Variants in ADAMTSL1 observed in about 807,000 individuals in gnomAD.
The protein encoded by ADAMTSL1 is ADAMTS like 1.
Under a neutral mutation model 201.8 loss-of-function variants are expected in ADAMTSL1, and 126 were observed. That is an observed-to-expected ratio of 0.62 (90% confidence interval 0.54 to 0.72). ADAMTSL1 has a LOEUF of 0.72. Ranked by LOEUF, ADAMTSL1 falls within the 30% of genes least tolerant of loss-of-function variation. The pLI, the probability that ADAMTSL1 is intolerant of heterozygous loss-of-function variation, is 0.00. For synonymous variants in ADAMTSL1, 1,121 were observed against 903.4 expected (o/e 1.24, Z -4.32); for missense variants, 2,679 against 2,277.8 (o/e 1.18, Z -3.59).
chr9:18,691,389 AT>A (rs574154015), intron 13 of ADAMTSL1, among the ~76,000 whole-genome samples: 1 of 152,192 alleles, frequency 6.6e-6, no homozygotes, highest in Non-Finnish European at 1.5e-5. Flanking sequence ...TCTGGCTTTG[AT>A]TCCAGAACTA....
At chr9:18,187,571 T>C (rs781658762) in intron 2 of ADAMTSL1, among the ~76,000 whole-genome samples, 16 of 152,078 alleles carry the variant, frequency 1.1e-4, no homozygotes, top group Non-Finnish European at 1.9e-4. Flanking sequence ...ATTTATATGA[T>C]CATAGAGAAA....
chr9:18,035,843 T>A lies in ADAMTSL1; in HGVS notation c.88-128019T>A, dbSNP rs527330896. Among the ~76,000 whole-genome samples, 3 of 152,278 alleles carry A rather than the reference T, an allele frequency of 2.0e-5. No individual in the cohort carries two copies. In the South Asian group the frequency reaches 6.2e-4, roughly 32 times the overall value. On this transcript the variant is annotated intron_variant, in intron 1 of 29. Transcript: ENST00000680146. Reference sequence around the variant, plus strand: ...TTAGTAAGTGCTTAGTAATTATATGTTGAATTAAGTAACAAAATAACTTAC... The same window carrying A: ...TTAGTAAGTGCTTAGTAATTATATGATGAATTAAGTAACAAAATAACTTAC...
intron 2 of ADAMTSL1, among the ~76,000 whole-genome samples, chr9:18,325,744 GT>G (rs768880998): frequency 8.9e-4 from 114 of 128,536 alleles, no homozygotes; most frequent in Middle Eastern, 7.9e-3. Context: ...AAGGACCTTT[GT>G]TTTTTTTTTT....
intron 2 of ADAMTSL1, among the ~76,000 whole-genome samples, chr9:18,305,326 C>G (rs542140979): frequency 1.3e-5 from 2 of 152,240 alleles, no homozygotes; most frequent in East Asian, 3.9e-4. Context: ...TTTTCATTCC[C>G]CAGTGGCACC....
In ADAMTSL1 at chr9:17,946,076, G is replaced by C. The variant is rs62550008; in HGVS notation, c.87+39154G>C. On this transcript the variant is annotated intron_variant, in intron 1 of 29. Transcript: ENST00000680146. ...GATGTGTATGTGTGTGTGTGTGTGT[G>C]TGTGTGTGTGTGTGTGTGTGTGTGT... Among the ~76,000 whole-genome samples the C allele has an allele frequency of 1.4e-4, 4 of 29,144 alleles. No homozygotes were observed. In the East Asian group the frequency reaches 2.3e-3, roughly 17 times the overall value. The allele number at this position is 29,144 out of a possible 152,430, so 19.1% of individuals were successfully genotyped here.
At chr9:18,757,119 T>C (rs1222855065) in intron 16 of ADAMTSL1, among the ~76,000 whole-genome samples, 2 of 152,238 alleles carry the variant, frequency 1.3e-5, no homozygotes, top group African/African-American at 4.8e-5. Flanking sequence ...TTCCTCTTAA[T>C]ACTCTGCCCT....
intron 1 of ADAMTSL1, among the ~76,000 whole-genome samples, chr9:18,058,385 A>G (rs1822291239): frequency 6.6e-6 from 1 of 152,236 alleles, no homozygotes; most frequent in African/African-American, 2.4e-5. Flanking sequence ...ATCTTTGTTT[A>G]ACATATAACT....
chr9:18,273,282 T>A (rs138990566), intron 2 of ADAMTSL1, among the ~76,000 whole-genome samples: 4 of 152,322 alleles, frequency 2.6e-5, no homozygotes, highest in African/African-American at 9.6e-5. Flanking sequence ...AGTTTCACCA[T>A]GTTGGCCAGT....
chr9:18,664,595 C>T (rs1829316907), intron 9 of ADAMTSL1, among the ~76,000 whole-genome samples: 1 of 151,804 alleles, frequency 6.6e-6, no homozygotes, highest in African/African-American at 2.4e-5. Flanking sequence ...AGGATTTTTA[C>T]CTATTTTAGT....
In ADAMTSL1 at chr9:18,777,322, G is replaced by A. The variant is rs748716321; in HGVS notation, c.3093G>A (p.Gln1031=). 6.2e-7 allele frequency: 1 copy of A among 1,602,336 alleles called. No homozygotes were observed. The highest frequency in any genetic ancestry group is 2.3e-5 in the East Asian group (1 of 44,390). The change falls in exon 19 of 29, where the codon CAG becomes CAA. Residue 1031 remains glutamine, a synonymous_variant. Coordinates refer to ENST00000380548, the MANE Select transcript of ADAMTSL1 (RefSeq NM_001040272.6). ...YDDLVSRLLE[Q]GGWPGELLAS... ...ACCTCGTCTCCCGGCTGCTGGAGCA[G>A]GGCGGCTGGCCCGGAGAGCTGCTGG... is the stretch of plus-strand genomic sequence containing the variant.
At chr9:18,824,020 AGAAG>A (rs533257033) in intron 21 of ADAMTSL1, among the ~76,000 whole-genome samples, 5 of 151,610 alleles carry the variant, frequency 3.3e-5, no homozygotes, top group South Asian at 2.1e-4. Flanking sequence ...AAGGAAGGAA[AGAAG>A]GAAGGAAGGA....
chr9:18,816,925 T>A (rs905305841), intron 20 of ADAMTSL1, among the ~76,000 whole-genome samples, 184 bp from the exon 21 acceptor site: 1 of 152,128 alleles, frequency 6.6e-6, no homozygotes, highest in African/African-American at 2.4e-5. Flanking sequence ...CTGACAACAC[T>A]GCGGTAGGTA....
intron 2 of ADAMTSL1, among the ~76,000 whole-genome samples, chr9:18,233,430 A>G (rs550697487): frequency 1.3e-5 from 2 of 152,208 alleles, no homozygotes; most frequent in African/African-American, 2.4e-5. Flanking sequence ...GAATCATGCT[A>G]TGAGTCTACA....
chr9:18,502,417 G>A lies in ADAMTSL1; in HGVS notation c.64-2412G>A, dbSNP rs192261319. ...GCAATCCTATCTTCTATTCACATGC[G>A]GCAAACAAAGAGTTAGATGATACAC... On this transcript the variant is annotated intron_variant, in intron 1 of 28. Transcript: ENST00000380548. Among the ~76,000 whole-genome samples the A allele has an allele frequency of 1.9e-4, 29 of 152,174 alleles. No individual in the cohort carries two copies. The East Asian group carries it at 3.9e-3, about 20-fold the overall frequency.
At chr9:18,352,854 A>G (rs897974595) in intron 2 of ADAMTSL1, among the ~76,000 whole-genome samples, 1 of 152,200 alleles carries the variant, frequency 6.6e-6, no homozygotes, top group Non-Finnish European at 1.5e-5. Flanking sequence ...AGTCTGTTAG[A>G]TATCTTGTTT....
At chr9:18,355,460 A>G (rs1305057445) in intron 2 of ADAMTSL1, among the ~76,000 whole-genome samples, 1 of 152,214 alleles carries the variant, frequency 6.6e-6, no homozygotes, top group African/African-American at 2.4e-5. Context: ...TTGTCATTCC[A>G]TAGCAAGGAT....
chr9:18,907,011 C>T (rs1450625829), intron 28 of ADAMTSL1, 99 bp downstream of exon 28: 9 of 1,363,772 alleles, frequency 6.6e-6, no homozygotes, highest in Non-Finnish European at 9.1e-6. Flanking sequence ...GGCATGGGGT[C>T]AGCTTCCCCA....
intron 9 of ADAMTSL1, among the ~76,000 whole-genome samples, chr9:18,672,429 T>C (rs1051556373): frequency 6.6e-6 from 1 of 152,172 alleles, no homozygotes; most frequent in Non-Finnish European, 1.5e-5. Flanking sequence ...CAGAAAAACA[T>C]TTAAAAAGAA....
intron 1 of ADAMTSL1, among the ~76,000 whole-genome samples, chr9:18,018,382 C>G (rs1212665886): frequency 2.0e-5 from 3 of 152,086 alleles, no homozygotes; most frequent in Non-Finnish European, 4.4e-5. Flanking sequence ...TCATGCCCTT[C>G]TGTAATCCCT....
Sources: allele counts gnomAD v4.1 joint callset (sites outside exome capture counted in the v4.1 genomes callset), GRCh38; gene constraint gnomAD v4.1.1; transcripts MANE v1.5; gene names NCBI Gene and HGNC (gene_info 2026-07-23, HGNC 2026-07-21).